RERE: variants seen among roughly 807,000 people sequenced by gnomAD.
RERE encodes arginine-glutamic acid dipeptide repeats, also known as arginine-glutamic acid dipeptide repeats protein.
Under a neutral mutation model 146.1 loss-of-function variants are expected in RERE, and 40 were observed. That is an observed-to-expected ratio of 0.27 (90% CI 0.21 to 0.36). RERE has a LOEUF of 0.36. Among genes scored for constraint, RERE ranks in the 10% least tolerant of loss-of-function variants. The pLI is 1.00. For missense variants in RERE, 1,933 were observed against 2,138.7 expected (o/e 0.90, Z 1.90); for synonymous variants, 1,003 against 866.0 (o/e 1.16, Z -2.78).
chr1:8,508,943 C>T (rs1385260864), intron 7 of RERE, among the ~76,000 whole-genome samples: 2 of 152,032 alleles, frequency 1.3e-5, no homozygotes, highest in Admixed American at 1.3e-4. Flanking sequence ...GAGACAGAGT[C>T]TCACTCTGTC....
intron 1 of RERE, among the ~76,000 whole-genome samples, chr1:8,699,472 A>C (rs1167498702): frequency 6.6e-6 from 1 of 152,230 alleles, no homozygotes; most frequent in Non-Finnish European, 1.5e-5. Context: ...TATTACAAAT[A>C]TTTAAGTATG....
chr1:8,697,079 A>G (rs1407409827), intron 1 of RERE, among the ~76,000 whole-genome samples: 1 of 152,216 alleles, frequency 6.6e-6, no homozygotes. Flanking sequence ...AACATCTAAC[A>G]TATTGAGAAA....
At position 8,542,318 on chromosome 1, in the gene RERE, G is replaced by A. The variant is rs1170603765; in HGVS notation, c.726-1000C>T. On this transcript the variant is annotated intron_variant, in intron 6 of 22. Coordinates refer to ENST00000400908, the MANE Select transcript of RERE (RefSeq NM_001042681.2). ...CAAAAGCCGTGCAGCATACTTCCAGGACGTGGCCTCCCACTGCTTGAGCAG... is the reference window on the plus strand; with the variant it reads ...CAAAAGCCGTGCAGCATACTTCCAGAACGTGGCCTCCCACTGCTTGAGCAG... Among the ~76,000 whole-genome samples the A allele has an allele frequency of 2.6e-5, 4 of 152,094 alleles. No homozygotes were observed. The East Asian group carries it at 7.7e-4, about 29-fold the overall frequency.
At chr1:8,780,128 C>G (rs1641138986) in intron 1 of RERE, among the ~76,000 whole-genome samples, 1 of 152,166 alleles carries the variant, frequency 6.6e-6, no homozygotes, top group Non-Finnish European at 1.5e-5. Flanking sequence ...AAGTCACTAA[C>G]TTAGGCATTA....
chr1:8,559,280 C>CAAAAAAAAAAAAAAAAAAAAAAAAAA (rs548075266), intron 4 of RERE, among the ~76,000 whole-genome samples: 16 of 12,074 alleles, frequency 1.3e-3, no homozygotes, highest in Admixed American at 2.8e-3. Flanking sequence ...AACTCCAGCT[C>CAAAAAAAAAAAAAAAAAAAAAAAAAA]AAAAAAAAAA....
At chr1:8,397,728 T>A (rs1170587639) in intron 12 of RERE, among the ~76,000 whole-genome samples, 2 of 152,124 alleles carry the variant, frequency 1.3e-5, no homozygotes, top group African/African-American at 2.4e-5. Context: ...TCCTCCCCCA[T>A]ATGCAGTAAG....
chr1:8,401,719 A>G (rs1246152883), intron 12 of RERE, among the ~76,000 whole-genome samples: 1 of 151,578 alleles, frequency 6.6e-6, no homozygotes. Flanking sequence ...GTGATGTACC[A>G]CTGCACTCCA....
chr1:8,644,511 C>A (rs76170264), intron 2 of RERE, among the ~76,000 whole-genome samples: 1 of 152,194 alleles, frequency 6.6e-6, no homozygotes, highest in African/African-American at 2.4e-5. Flanking sequence ...TCAATGTACA[C>A]CACCTTGCAT....
chr1:8,692,334 C>T (rs1039038256), intron 1 of RERE, among the ~76,000 whole-genome samples: 4 of 136,940 alleles, frequency 2.9e-5, no homozygotes, highest in Non-Finnish European at 3.1e-5. Flanking sequence ...TACTCACATT[C>T]TCCCATATAC....
Position 8,546,310 on chromosome 1 carries a change from T to TAA in RERE, c.726-4994_726-4993dup, listed in dbSNP as rs5772327. Among the ~76,000 whole-genome samples the TAA allele has an allele frequency of 8.3e-3, 1,239 of 150,110 alleles. 13 individuals carry two copies. Among genetic ancestry groups the TAA allele is most frequent in the African/African-American group, 0.028 (1,151 of 41,180 alleles). On this transcript the variant is annotated intron_variant, in intron 6 of 22. Coordinates refer to ENST00000400908, the MANE Select transcript of RERE (RefSeq NM_001042681.2). ...ATAAATAAATAAAAATAAAAATAAA[T>TAA]AAAAATATATATATATAATTTTAGT...
At chr1:8,687,908 T>A (rs1412305768) in intron 1 of RERE, among the ~76,000 whole-genome samples, 1 of 152,242 alleles carries the variant, frequency 6.6e-6, no homozygotes, top group East Asian at 1.9e-4. Context: ...ATATTCTTAT[T>A]CACAGAAGTA....
intron 11 of RERE, among the ~76,000 whole-genome samples, chr1:8,437,640 A>C (rs1485658781): frequency 6.6e-6 from 1 of 152,152 alleles, no homozygotes; most frequent in Admixed American, 6.5e-5. Context: ...TCTTGCTGAC[A>C]ATATTGGTAA....
At chr1:8,467,972 C>G (rs370104473) in intron 10 of RERE, among the ~76,000 whole-genome samples, 2 of 152,240 alleles carry the variant, frequency 1.3e-5, no homozygotes, top group Admixed American at 6.5e-5. Context: ...GCTCACTCAG[C>G]AAAACAGAAA....
At chr1:8,716,672 GA>G (rs566357037) in intron 1 of RERE, among the ~76,000 whole-genome samples, 31 of 150,236 alleles carry the variant, frequency 2.1e-4, no homozygotes, top group African/African-American at 5.4e-4. Flanking sequence ...ATATTACCTA[GA>G]AAAAAAAATC....
chr1:8,557,613 G>A, intron 4 of RERE, 90 bp from the exon 5 acceptor site: 3 of 788,174 alleles, frequency 3.8e-6, no homozygotes, highest in Non-Finnish European at 6.7e-6. Context: ...CCTGTAAACG[G>A]GTGGACACGT....
At chr1:8,532,517 T>G (rs1645670711) in intron 7 of RERE, among the ~76,000 whole-genome samples, 1 of 152,108 alleles carries the variant, frequency 6.6e-6, no homozygotes, top group South Asian at 2.1e-4. Flanking sequence ...ACCTCCTGGG[T>G]TCAATAGATT....
At chr1:8,769,100 G>C (rs943336977) in intron 1 of RERE, among the ~76,000 whole-genome samples, 1 of 152,158 alleles carries the variant, frequency 6.6e-6, no homozygotes, top group African/African-American at 2.4e-5. Flanking sequence ...TGACCATCTG[G>C]CCCACGCAGC....
At chr1:8,551,030 G>A (rs2124412590) in intron 6 of RERE, among the ~76,000 whole-genome samples, 1 of 152,240 alleles carries the variant, frequency 6.6e-6, no homozygotes, top group East Asian at 1.9e-4. Context: ...GGGCTCCTTG[G>A]CCCTGGTCTT....
At chr1:8,570,289 G>A (rs1243937134) in intron 4 of RERE, among the ~76,000 whole-genome samples, 6 of 151,384 alleles carry the variant, frequency 4.0e-5, no homozygotes, top group South Asian at 4.2e-4. Context: ...GTGAAATTGC[G>A]CCACTGCACT....
Sources: allele counts gnomAD v4.1 joint callset (sites outside exome capture counted in the v4.1 genomes callset), GRCh38; gene constraint gnomAD v4.1.1; transcripts MANE v1.5; gene names NCBI Gene and HGNC (gene_info 2026-07-23, HGNC 2026-07-21).